The following TMEM167A variants were observed in gnomAD, a reference collection of about 807,000 sequenced individuals.
TMEM167A encodes the protein protein kish-A.
TMEM167A carries 8 observed loss-of-function variants against 11.6 expected under a neutral mutation model. The ratio of observed to expected loss-of-function variants is 0.69; its 90% CI spans 0.40 to 1.24. TMEM167A has a LOEUF of 1.24. TMEM167A is among the 50% of genes most tolerant of loss of function. The pLI is 0.01. For synonymous variants in TMEM167A, 22 were observed against 28.0 expected (o/e 0.79, Z 0.67); for missense variants, 62 against 87.0 (o/e 0.71, Z 1.14).
Position 83,056,350 on chromosome 5 carries a change from T to C in TMEM167A, c.*734A>G, listed in dbSNP as rs766958853. The C allele has an allele frequency of 6.6e-6, 1 of 152,056 alleles. No homozygotes were observed. Among genetic ancestry groups the C allele is most frequent in the Non-Finnish European group, 1.5e-5 (1 of 67,936 alleles). 9.4% of individuals were successfully genotyped at this position (152,056 alleles called of 1,614,324 possible). On this transcript the variant is annotated 3_prime_UTR_variant, in exon 4 of 4. Coordinates refer to ENST00000502346, the MANE Select transcript of TMEM167A (RefSeq NM_174909.5). ...TTTTCATTCTAAGAACGTTGTGTTT[T>C]TCAGAGAAAGACAGCTTTCCAGCAA... is the stretch of plus-strand genomic sequence containing the variant.
intron 1 of TMEM167A, among the ~76,000 whole-genome samples, chr5:83,075,744 C>CAA (rs9331315): frequency 5.0e-5 from 7 of 140,862 alleles, no homozygotes; most frequent in Non-Finnish European, 9.3e-5. Flanking sequence ...GACTCCATCT[C>CAA]AAAAAAAAAA....
intron 1 of TMEM167A, among the ~76,000 whole-genome samples, chr5:83,076,254 G>A (rs1325419724): frequency 6.6e-6 from 1 of 152,154 alleles, no homozygotes; most frequent in East Asian, 1.9e-4. Flanking sequence ...TTTTTGAAAA[G>A]AGCCTGGTAC....
intron 3 of TMEM167A, among the ~76,000 whole-genome samples, chr5:83,058,304 A>G (rs1369050383): frequency 6.6e-6 from 1 of 152,100 alleles, no homozygotes; most frequent in East Asian, 1.9e-4. Flanking sequence ...TAATTTCCAT[A>G]GAAAATATTA....
In TMEM167A at chr5:83,057,634, T is replaced by C. The variant is rs372514762; in HGVS notation, c.149-480A>G. 6.6e-5 allele frequency among the ~76,000 whole-genome samples: 10 copies of C among 151,954 alleles called. No homozygotes were observed. In the East Asian group the frequency reaches 1.5e-3, roughly 23 times the overall value. ...AAGGGGGAGCATTCATGGATGAAAA[T>C]AAAGAGAGGATGGTCAATAAAACTG... is the stretch of plus-strand genomic sequence containing the variant. On this transcript the variant is annotated intron_variant, in intron 3 of 3. Coordinates refer to ENST00000502346, the MANE Select transcript of TMEM167A (RefSeq NM_174909.5).
rs1488181708 is a variant in TMEM167A, at chr5:83,077,363, G to C, written c.-40C>G. ...TGCCGCAGCCACATCACCCTTCCGGGGCTCAGGCGGAAGAGGCTGCATGTC... is the reference window on the plus strand; with the variant it reads ...TGCCGCAGCCACATCACCCTTCCGGCGCTCAGGCGGAAGAGGCTGCATGTC... On this transcript the variant is annotated 5_prime_UTR_variant, in exon 1 of 4. Coordinates refer to ENST00000502346, the MANE Select transcript of TMEM167A (RefSeq NM_174909.5). The C allele has an allele frequency of 4.3e-6, 7 of 1,614,016 alleles. No individual in the cohort carries two copies. The Middle Eastern group carries it at 4.9e-4, about 114-fold the overall frequency.
chr5:83,054,767 G>C lies in TMEM167A; in HGVS notation c.*2317C>G, dbSNP rs1181344263. ...TAGCACCTGGGTGACAAAATAATCT[G>C]TACAACAAAACCACTTGACATGAGT... On this transcript the variant is annotated 3_prime_UTR_variant, in exon 4 of 4. Transcript: ENST00000502346. 6.6e-6 allele frequency: 1 copy of C among 151,776 alleles called. No homozygotes were observed. Among genetic ancestry groups the C allele is most frequent in the African/African-American group, 2.4e-5 (1 of 41,338 alleles). 9.4% of individuals were successfully genotyped at this position (151,776 alleles called of 1,614,324 possible).
At chr5:83,070,339 A>G (rs527964048) in intron 1 of TMEM167A, among the ~76,000 whole-genome samples, 1 of 152,292 alleles carries the variant, frequency 6.6e-6, no homozygotes, top group Admixed American at 6.5e-5. Flanking sequence ...GAGGCCTCCA[A>G]ACGATTTGTC....
chr5:83,064,710 G>C (rs1014839121), intron 2 of TMEM167A, among the ~76,000 whole-genome samples: 22 of 152,122 alleles, frequency 1.4e-4, no homozygotes, highest in Admixed American at 8.5e-4. Context: ...ACAAGGAGAT[G>C]GAGTATTATC....
rs1182550864 is a variant in TMEM167A, at chr5:83,054,427, A to C, written c.*2657T>G. 2 of 152,014 alleles carry C rather than the reference A, an allele frequency of 1.3e-5. No homozygotes were observed. The highest frequency in any genetic ancestry group is 2.9e-5 in the Non-Finnish European group (2 of 67,940). 9.4% of individuals were successfully genotyped at this position (152,014 alleles called of 1,614,324 possible). A position where few individuals can be genotyped will look rare whatever the true frequency, so the allele number is the denominator to read the frequency against. ...AAAATACCAGGATAGATGGAATCAA[A>C]AGACTCTGAAGCCAAAAGGAGGCTA... On this transcript the variant is annotated 3_prime_UTR_variant, in exon 4 of 4. Transcript: ENST00000502346.
intron 1 of TMEM167A, among the ~76,000 whole-genome samples, chr5:83,070,872 T>C (rs1358819068): frequency 6.6e-6 from 1 of 152,134 alleles, no homozygotes; most frequent in African/African-American, 2.4e-5. Context: ...AAAATACTTC[T>C]AAGTCTAAGA....
At chr5:83,067,751 G>A (rs902704501) in intron 1 of TMEM167A, among the ~76,000 whole-genome samples, 4 of 151,864 alleles carry the variant, frequency 2.6e-5, no homozygotes, top group African/African-American at 7.3e-5. Context: ...GATCTCAAGC[G>A]ATCTGCCCAC....
chr5:83,073,515 T>TA (rs1188458114), intron 1 of TMEM167A, among the ~76,000 whole-genome samples: 3 of 152,194 alleles, frequency 2.0e-5, no homozygotes, highest in Admixed American at 6.5e-5. Flanking sequence ...GAAAGATTAA[T>TA]AAAAACAAGT....
chr5:83,064,025 A>G (rs1270081007), intron 2 of TMEM167A, among the ~76,000 whole-genome samples: 4 of 152,122 alleles, frequency 2.6e-5, no homozygotes, highest in Non-Finnish European at 4.4e-5. Context: ...TAATTTTAAC[A>G]GAAAGAGACT....
intron 3 of TMEM167A, among the ~76,000 whole-genome samples, chr5:83,059,797 C>T (rs1047726237): frequency 3.3e-5 from 5 of 151,908 alleles, no homozygotes; most frequent in African/African-American, 1.2e-4. Context: ...GTGATGGATT[C>T]CCTGTGCATC....
rs191835048 is a variant in TMEM167A, at chr5:83,056,921, A to G, written c.*163T>C. 25 of 685,736 alleles carry G rather than the reference A, an allele frequency of 3.6e-5. No individual in the cohort carries two copies. The highest frequency in any genetic ancestry group is 3.9e-4 in the Middle Eastern group (1 of 2,592). 42.5% of individuals were successfully genotyped at this position (685,736 alleles called of 1,614,324 possible). On this transcript the variant is annotated 3_prime_UTR_variant, in exon 4 of 4. Transcript: ENST00000502346. ...ATGGTTACATCTTAATTGTTTATACAGAACATTGGTCCAATAACATTAAAA... is the reference window on the plus strand; with the variant it reads ...ATGGTTACATCTTAATTGTTTATACGGAACATTGGTCCAATAACATTAAAA...
chr5:83,077,214 C>T, intron 1 of TMEM167A, 107 bp downstream of exon 1: 6 of 1,548,160 alleles, frequency 3.9e-6, no homozygotes, highest in Non-Finnish European at 5.4e-6. Context: ...CAAGGCCTCT[C>T]AGCTCCGGGC....
Position 83,056,074 on chromosome 5 carries a change from T to C in TMEM167A, c.*1010A>G, listed in dbSNP as rs188201051. 1.7e-3 allele frequency: 255 copies of C among 152,130 alleles called. 1 individual carries two copies. The highest frequency in any genetic ancestry group is 5.7e-3 in the African/African-American group (235 of 41,540). The allele number at this position is 152,130 out of a possible 1,614,324, so 9.4% of individuals were successfully genotyped here. Reference sequence around the variant, plus strand: ...AAAATTGTTGAAGGTCTCCTTTCACTATCAAAGTTCAAAGATACTTGTGCC... The same window carrying C: ...AAAATTGTTGAAGGTCTCCTTTCACCATCAAAGTTCAAAGATACTTGTGCC... On this transcript the variant is annotated 3_prime_UTR_variant, in exon 4 of 4. Coordinates refer to ENST00000502346, the MANE Select transcript of TMEM167A (RefSeq NM_174909.5).
intron 3 of TMEM167A, among the ~76,000 whole-genome samples, chr5:83,060,993 T>C (rs1744399220): frequency 6.6e-6 from 1 of 152,230 alleles, no homozygotes; most frequent in Admixed American, 6.5e-5. Context: ...TGTATGATGC[T>C]ACTAATCTCT....
At chr5:83,073,821 A>G (rs541277059) in intron 1 of TMEM167A, among the ~76,000 whole-genome samples, 2 of 152,318 alleles carry the variant, frequency 1.3e-5, no homozygotes, top group Non-Finnish European at 2.9e-5. Context: ...CCAATAAATC[A>G]TCCAAGCTGG....
Sources: gnomAD v4.1 joint callset for allele counts (sites outside exome capture counted in the v4.1 genomes callset) on GRCh38, gnomAD v4.1.1 for gene constraint, MANE v1.5 for transcripts, NCBI Gene and HGNC (gene_info 2026-07-23, HGNC 2026-07-21) for gene names.